Variants in MRPS6 observed in about 807,000 individuals in gnomAD.
The protein encoded by MRPS6 is mitochondrial ribosomal protein S6.
Under a neutral mutation model 13.1 loss-of-function variants are expected in MRPS6, and 6 were observed. The observed-to-expected ratio is 0.46, with a 90% CI of 0.25 to 0.91. The LOEUF (loss-of-function observed/expected upper bound fraction) is 0.91, where lower values mean the gene tolerates loss of function less well. Ranked by LOEUF, MRPS6 falls within the 40% of genes least tolerant of loss-of-function variation. The pLI is 0.18. For synonymous variants in MRPS6, 61 were observed against 56.5 expected (o/e 1.08, Z -0.36); for missense variants, 164 against 155.6 (o/e 1.05, Z -0.29).
intron 1 of MRPS6, among the ~76,000 whole-genome samples, chr21:34,089,181 C>T (rs939905084): frequency 8.1e-6 from 1 of 122,894 alleles, no homozygotes; most frequent in Non-Finnish European, 1.7e-5. Context: ...GCGTGTGCTA[C>T]CACACCTGGC....
chr21:34,079,318 A>C (rs1989405773), intron 1 of MRPS6, among the ~76,000 whole-genome samples: 1 of 152,220 alleles, frequency 6.6e-6, no homozygotes, highest in South Asian at 2.1e-4. Flanking sequence ...AGTCCTTTAC[A>C]GAAGAAATGT....
At chr21:34,104,408 A>G (rs1246437391) in intron 1 of MRPS6, 16 of 1,000,192 alleles carry the variant, frequency 1.6e-5, no homozygotes, top group Non-Finnish European at 1.7e-5. Flanking sequence ...TCAAGAATGA[A>G]TGAATGTCTT....
intron 1 of MRPS6, chr21:34,102,859 A>T (rs1979310063): frequency 1.0e-6 from 1 of 999,918 alleles, no homozygotes; most frequent in African/African-American, 1.7e-5. Context: ...GAGCTCTATC[A>T]ATAAGAGGAA....
intron 1 of MRPS6, among the ~76,000 whole-genome samples, chr21:34,111,052 T>C (rs973491063): frequency 5.9e-5 from 9 of 152,160 alleles, no homozygotes; most frequent in Admixed American, 5.2e-4. Flanking sequence ...GTTTATGATA[T>C]GTGAGCTGAA....
rs1220799416 is a variant in MRPS6 at position 34,142,684 on chromosome 21, C to G, written c.*84C>G. On this transcript the variant is annotated 3_prime_UTR_variant, in exon 3 of 3. Transcript: ENST00000399312. ...GAGAAGGAAGAATTTGCAAGTTTGGCCTTTATATAAGCATGTGTTGCAGGT... is the reference window on the plus strand; with the variant it reads ...GAGAAGGAAGAATTTGCAAGTTTGGGCTTTATATAAGCATGTGTTGCAGGT... The G allele has an allele frequency of 7.1e-7, 1 of 1,418,026 alleles. No homozygotes were observed. Among genetic ancestry groups the G allele is most frequent in the Non-Finnish European group, 9.2e-7 (1 of 1,083,950 alleles). 87.8% of individuals were successfully genotyped at this position (1,418,026 alleles called of 1,614,324 possible). A position where few individuals can be genotyped will look rare whatever the true frequency, so the allele number is the denominator to read the frequency against.
intron 1 of MRPS6, chr21:34,095,682 G>C (rs761920535): frequency 5.0e-6 from 8 of 1,613,604 alleles, no homozygotes; most frequent in Non-Finnish European, 6.8e-6. Context: ...TTATGTGTCT[G>C]TCATCCTGCT....
At chr21:34,086,298 G>A (rs538514394) in intron 1 of MRPS6, among the ~76,000 whole-genome samples, 20 of 152,162 alleles carry the variant, frequency 1.3e-4, no homozygotes, top group Non-Finnish European at 2.2e-4. Context: ...GCATTTTAGA[G>A]AAAAGATTAA....
At chr21:34,100,281 A>G in intron 1 of MRPS6, 1 of 1,000,226 alleles carries the variant, frequency 1.0e-6, no homozygotes, top group Non-Finnish European at 1.2e-6. Context: ...AGAAGGGCAT[A>G]TTACATTGGT....
At chr21:34,091,407 A>G (rs1203122974) in intron 1 of MRPS6, among the ~76,000 whole-genome samples, 3 of 152,030 alleles carry the variant, frequency 2.0e-5, no homozygotes, top group African/African-American at 7.2e-5. Flanking sequence ...CTGTTTACAT[A>G]TAGTTCCAGA....
intron 1 of MRPS6, among the ~76,000 whole-genome samples, chr21:34,120,056 A>G (rs554734146): frequency 1.8e-4 from 28 of 152,356 alleles, no homozygotes; most frequent in African/African-American, 6.7e-4. Flanking sequence ...AGTAGTGAGT[A>G]GAACAGCTGG....
chr21:34,099,690 TAA>T, intron 1 of MRPS6: 1 of 998,062 alleles, frequency 1.0e-6, no homozygotes, highest in Non-Finnish European at 1.2e-6. Flanking sequence ...CTTGTCTTAG[TAA>T]GATACATAAG....
intron 1 of MRPS6, among the ~76,000 whole-genome samples, chr21:34,074,517 C>T (rs138686056): frequency 2.0e-5 from 3 of 152,304 alleles, no homozygotes; most frequent in Admixed American, 1.3e-4. Flanking sequence ...AGCGAACCAG[C>T]GGCCCCTTTC....
chr21:34,107,506 G>A (rs1979526220), intron 1 of MRPS6, among the ~76,000 whole-genome samples: 1 of 152,130 alleles, frequency 6.6e-6, no homozygotes, highest in African/African-American at 2.4e-5. Context: ...TAATTAGTGG[G>A]GGGATATTAA....
intron 1 of MRPS6, 79 bp from the exon 2 acceptor site, chr21:34,125,262 G>C: frequency 6.4e-7 from 1 of 1,558,606 alleles, no homozygotes; most frequent in Admixed American, 1.9e-5. Context: ...GATTGGAACT[G>C]AGCAGACTTA....
At chr21:34,131,058 G>A (rs1179722654) in intron 2 of MRPS6, among the ~76,000 whole-genome samples, 2 of 152,184 alleles carry the variant, frequency 1.3e-5, no homozygotes, top group African/African-American at 2.4e-5. Flanking sequence ...AATGTGTAAC[G>A]TAATTAGATT....
At chr21:34,095,098 C>G (rs1029886748) in intron 1 of MRPS6, 1 of 1,482,600 alleles carries the variant, frequency 6.7e-7, no homozygotes, top group African/African-American at 1.4e-5. Flanking sequence ...TCTGTGTAGT[C>G]CAGTTCACGT....
At position 34,142,515 on chromosome 21, in the gene MRPS6, T is replaced by C. The variant is rs534849068; in HGVS notation, c.293T>C (p.Leu98Pro). 2.2e-5 allele frequency: 36 copies of C among 1,613,782 alleles called. 1 individual carries two copies. The South Asian group carries it at 3.7e-4, about 17-fold the overall frequency. The part of the protein sequence containing the change: ...VIRGNIVKHP[L>P]TQELKECEGI... Reference sequence around the variant, plus strand: ...AGAGGGAATATTGTCAAACACCCTCTGACCCAGGAACTAAAAGAATGTGAA... The same window carrying C: ...AGAGGGAATATTGTCAAACACCCTCCGACCCAGGAACTAAAAGAATGTGAA... Residue 98 changes from leucine (L) to proline (P), a missense_variant, in exon 3 of 3, where the codon CTG (leucine) becomes CCG (proline). Transcript: ENST00000399312.
At chr21:34,097,384 A>G in intron 1 of MRPS6, 3 of 1,545,340 alleles carry the variant, frequency 1.9e-6, no homozygotes, top group Non-Finnish European at 2.6e-6. Flanking sequence ...ACACTAACTT[A>G]AGACAATACT....
intron 1 of MRPS6, chr21:34,104,096 G>T: frequency 1.0e-6 from 1 of 999,806 alleles, no homozygotes; most frequent in Non-Finnish European, 1.2e-6. Flanking sequence ...TTTTGTGTAC[G>T]TTTGTATGTG....
Sources: allele counts gnomAD v4.1 joint callset (sites outside exome capture counted in the v4.1 genomes callset), GRCh38; gene constraint gnomAD v4.1.1; transcripts MANE v1.5; gene names NCBI Gene and HGNC (gene_info 2026-07-23, HGNC 2026-07-21).